Variants in SYNE1 observed in about 807,000 individuals in gnomAD.
The protein encoded by SYNE1 is spectrin repeat containing nuclear envelope protein 1, also known as nesprin-1.
SYNE1 carries 616 observed loss-of-function variants against 1,111.0 expected under a neutral mutation model. That is an observed-to-expected ratio of 0.55 (90% CI 0.52 to 0.59). The LOEUF (loss-of-function observed/expected upper bound fraction) is 0.59. Ranked by LOEUF, SYNE1 falls within the 20% of genes least tolerant of loss-of-function variation. The probability of loss-of-function intolerance (pLI) is 0.00; values close to 1 mark genes in which losing one functional copy is unlikely to be tolerated. For synonymous variants in SYNE1, 3,855 were observed against 3,825.8 expected, an observed-to-expected ratio of 1.01 and a Z score of -0.28; for missense variants, 10,006 against 10,417.0, an observed-to-expected ratio of 0.96 and a Z score of 1.72.
intron 3 of SYNE1, among the ~76,000 whole-genome samples, chr6:152,551,232 T>C (rs1024370230): frequency 6.6e-6 from 1 of 152,170 alleles, no homozygotes; most frequent in Non-Finnish European, 1.5e-5. Flanking sequence ...TTCTCACAAA[T>C]AACCTGCCAC....
intron 131 of SYNE1, among the ~76,000 whole-genome samples, chr6:152,159,631 G>T (rs564457408): frequency 1.2e-3 from 175 of 152,082 alleles, no homozygotes; most frequent in Non-Finnish European, 2.2e-3. Flanking sequence ...TTGAGACAGG[G>T]TCTTGCTCTG....
intron 44 of SYNE1, 63 bp downstream of exon 44, chr6:152,409,005 A>C (rs2097957484): frequency 6.5e-7 from 1 of 1,542,690 alleles, no homozygotes; most frequent in Non-Finnish European, 8.9e-7. Flanking sequence ...CGCTTTGTCC[A>C]AAAATTTGAT....
At chr6:152,322,270 A>G (rs533285980) in intron 82 of SYNE1, among the ~76,000 whole-genome samples, 1 of 152,330 alleles carries the variant, frequency 6.6e-6, no homozygotes, top group Admixed American at 6.5e-5. Context: ...AAAAAAATCA[A>G]GCTTTGGAAA....
chr6:152,493,673 C>G lies in SYNE1; in HGVS notation c.939+5069G>C, dbSNP rs191753306. Among the ~76,000 whole-genome samples the G allele has an allele frequency of 4.9e-4, 74 of 152,312 alleles. 1 individual carries two copies. The highest frequency in any genetic ancestry group is 7.5e-4 in the Non-Finnish European group (51 of 68,034). On this transcript the variant is annotated intron_variant, in intron 11 of 145. Coordinates refer to ENST00000367255, the MANE Select transcript of SYNE1 (RefSeq NM_182961.4). ...GATAATGCAACTCCCCCGTCAAAGG[C>G]CAAATTTCTTCCTCATCCATTACCT...
Position 152,390,338 on chromosome 6 carries a change from A to T in SYNE1, c.8119T>A (p.Leu2707Ile), listed in dbSNP as rs781732368. Residue 2707 changes from leucine (L) to isoleucine (I), a missense_variant, in exon 53 of 146, where the codon TTA (leucine) becomes ATA (isoleucine). Physicochemically the swap from Leu to Ile is conservative, Grantham distance 5. Around this residue, in one of 7 missense-constraint regions of SYNE1, gnomAD observed 4,955 missense variants for 5,017.2 expected, o/e 0.99. Coordinates refer to ENST00000367255, the MANE Select transcript of SYNE1 (RefSeq NM_182961.4). The stretch of plus-strand genomic sequence containing the variant: ...GCCCACACTTCTTTAAGGGTCTCTA[A>T]CTGAGTCTGAATCACCCTCTGACCT... ...KEGQRVIQTQ[L>I]ETLKEVWADI... 1 of 1,614,096 alleles carries T rather than the reference A, an allele frequency of 6.2e-7. No individual in the cohort carries two copies. The highest frequency in any genetic ancestry group is 8.5e-7 in the Non-Finnish European group (1 of 1,179,996).
chr6:152,295,016 T>C (rs1303682147), intron 93 of SYNE1, among the ~76,000 whole-genome samples: 2 of 152,180 alleles, frequency 1.3e-5, no homozygotes, highest in African/African-American at 2.4e-5. Flanking sequence ...TTGAGAATCA[T>C]GTATTGGTAA....
At position 152,330,407 on chromosome 6, in the gene SYNE1, G is replaced by A. The variant is rs774540553; in HGVS notation, c.14278C>T (p.His4760Tyr). ...TGTTCTGTTTGTCGCTTCAGCCTGT[G>A]ATATAAGGTGACAAGGTGCAGCATC... is the stretch of plus-strand genomic sequence containing the variant. Reference protein sequence around the residue: ...DKMLHLVTLYHRLKRQTEQRV... With the variant: ...DKMLHLVTLYYRLKRQTEQRV... Residue 4760 changes from histidine (H) to tyrosine (Y), a missense_variant, in exon 78 of 146, where the codon CAC (histidine) becomes TAC (tyrosine). Around this residue, in one of 7 missense-constraint regions of SYNE1, gnomAD observed 4,955 missense variants for 5,017.2 expected, o/e 0.99. Transcript: ENST00000367255. 5 of 1,614,122 alleles carry A rather than the reference G, an allele frequency of 3.1e-6. No homozygotes were observed. Among genetic ancestry groups the A allele is most frequent in the Non-Finnish European group, 4.2e-6 (5 of 1,180,036 alleles).
chr6:152,440,896 A>T (rs1015007570), intron 32 of SYNE1, among the ~76,000 whole-genome samples: 1 of 152,086 alleles, frequency 6.6e-6, no homozygotes, highest in African/African-American at 2.4e-5. Flanking sequence ...CTCTATACAC[A>T]TCTATTAGGG....
intron 120 of SYNE1, among the ~76,000 whole-genome samples, chr6:152,218,619 A>C (rs2153455262): frequency 6.6e-6 from 1 of 152,352 alleles, no homozygotes; most frequent in East Asian, 1.9e-4. Context: ...ATGCACCATA[A>C]GTCAATAACA....
At position 152,180,182 on chromosome 6, in the gene SYNE1, T is replaced by C. The variant is rs1563263725; in HGVS notation, c.23414A>G (p.Gln7805Arg). 5 of 1,614,170 alleles carry C rather than the reference T, an allele frequency of 3.1e-6. No individual in the cohort carries two copies. The highest frequency in any genetic ancestry group is 4.2e-6 in the Non-Finnish European group (5 of 1,180,016). Residue 7805 changes from glutamine (Q) to arginine (R), a missense_variant, in exon 129 of 146, where the codon CAG becomes CGG. Physicochemically the swap from Gln to Arg is conservative, Grantham distance 43 (BLOSUM62 1). Transcript: ENST00000367255. The stretch of plus-strand genomic sequence containing the variant: ...TTCTTCAATGAGAATGTCTCCATTC[T>C]GAGAAACTTTGCTTTCCATTTGAGT... ...WLTQMESKVS[Q>R]NGDILIEEMI...
intron 110 of SYNE1, 133 bp from the exon 111 acceptor site, chr6:152,234,933 C>T: frequency 9.5e-7 from 1 of 1,054,360 alleles, no homozygotes; most frequent in South Asian, 1.4e-5. Flanking sequence ...ATGAGGTTGG[C>T]ACTCTGAAAT....
chr6:152,425,594 AG>A (rs1284675358), intron 38 of SYNE1, 47 bp from the exon 39 acceptor site: 1 of 1,610,592 alleles, frequency 6.2e-7, no homozygotes, highest in Non-Finnish European at 8.5e-7. Context: ...AGGACTGAAA[AG>A]TAAGGACCAT....
chr6:152,189,126 T>C (rs975441183), intron 128 of SYNE1, 126 bp downstream of exon 128: 6 of 939,776 alleles, frequency 6.4e-6, no homozygotes, highest in Non-Finnish European at 1.0e-5. Flanking sequence ...GTAACCACAG[T>C]GTTCTTCCTT....
At chr6:152,350,392 TG>T (rs2096720494) in intron 71 of SYNE1, 57 bp from the exon 72 acceptor site, 4 of 1,610,778 alleles carry the variant, frequency 2.5e-6, no homozygotes, top group Non-Finnish European at 3.4e-6. Flanking sequence ...TACTCAAAAC[TG>T]TTTTGTATTA....
intron 123 of SYNE1, 84 bp from the exon 124 acceptor site, chr6:152,211,672 T>C: frequency 1.7e-6 from 2 of 1,199,660 alleles, no homozygotes; most frequent in South Asian, 1.3e-5. Context: ...AATATTCTAG[T>C]TTTCGCAAGA....
intron 99 of SYNE1, 62 bp downstream of exon 99, chr6:152,269,093 A>G (rs2092981516): frequency 6.2e-7 from 1 of 1,612,314 alleles, no homozygotes; most frequent in African/African-American, 1.3e-5. Flanking sequence ...CTTCTGAAAT[A>G]TGCCTCTCAG....
intron 63 of SYNE1, 133 bp from the exon 64 acceptor site, chr6:152,362,456 C>A: frequency 8.4e-7 from 1 of 1,185,894 alleles, no homozygotes. Flanking sequence ...TGGGAGTGAG[C>A]AGGCTGCCCA....
chr6:152,567,098 T>C (rs2099416366), intron 3 of SYNE1, among the ~76,000 whole-genome samples: 1 of 151,976 alleles, frequency 6.6e-6, no homozygotes, highest in Admixed American at 6.6e-5. Flanking sequence ...ACCTGTTAAC[T>C]GCTGTTTCAC....
chr6:152,344,054 T>C (rs2096587769), intron 74 of SYNE1, 27 bp downstream of exon 74: 1 of 1,613,940 alleles, frequency 6.2e-7, no homozygotes, highest in South Asian at 1.1e-5. Flanking sequence ...TTCACAAGAA[T>C]AACACAAACT....
Sources: gnomAD v4.1 joint callset for allele counts (sites outside exome capture counted in the v4.1 genomes callset) on GRCh38, gnomAD v4.1.1 for gene constraint, gnomAD v4.1.1 regional missense constraint, MANE v1.5 for transcripts, NCBI Gene and HGNC (gene_info 2026-07-23, HGNC 2026-07-21) for gene names.